The following PIK3C3 variants were observed in gnomAD, a reference collection of about 807,000 sequenced individuals.
PIK3C3 encodes the protein PI3-kinase type 3.
PIK3C3 carries 95 observed loss-of-function variants against 126.1 expected under a neutral mutation model. The observed-to-expected ratio is 0.75, with a 90% CI of 0.64 to 0.89. PIK3C3 has a LOEUF of 0.89. PIK3C3 is among the 40% of genes least tolerant of loss of function. The pLI is 0.00. For synonymous variants in PIK3C3, 374 were observed against 360.0 expected, an observed-to-expected ratio of 1.04 and a Z score of -0.44; for missense variants, 829 against 1,063.2, an observed-to-expected ratio of 0.78 and a Z score of 3.06.
At chr18:41,957,448 T>C (rs573014346) in intron 1 of PIK3C3, 122 bp from the exon 2 acceptor site, 1 of 893,800 alleles carries the variant, frequency 1.1e-6, no homozygotes, top group East Asian at 3.0e-5. Context: ...AAAGGTAAAC[T>C]TTTTAGTACT....
At chr18:42,064,209 T>C (rs1985439906) in intron 22 of PIK3C3, among the ~76,000 whole-genome samples, 1 of 152,186 alleles carries the variant, frequency 6.6e-6, no homozygotes, top group Admixed American at 6.5e-5. Flanking sequence ...TTTTTCTTTC[T>C]TATAGAATTA....
At position 41,955,336 on chromosome 18, in the gene PIK3C3, G is replaced by A. The variant is rs199666005; in HGVS notation, c.45G>A (p.Leu15=). ...EKFHYIYSCD[L]DINVQLKIGS... ...TTCACTACATCTATAGTTGTGACCT[G>A]GATATCAACGTCCAGCTTAAGATGT... Residue 15 remains leucine (L), a synonymous_variant, in exon 1 of 25, where the codon CTG becomes CTA. Transcript: ENST00000262039. 5 of 1,613,514 alleles carry A rather than the reference G, an allele frequency of 3.1e-6. No individual in the cohort carries two copies. The highest frequency in any genetic ancestry group is 3.4e-6 in the Non-Finnish European group (4 of 1,179,672).
chr18:41,981,029 T>G (rs554408076), intron 4 of PIK3C3, among the ~76,000 whole-genome samples: 4 of 152,356 alleles, frequency 2.6e-5, no homozygotes, highest in African/African-American at 9.6e-5. Context: ...GTCATTGATA[T>G]CACCAAATAT....
At chr18:41,980,836 A>G (rs1006159579) in intron 4 of PIK3C3, among the ~76,000 whole-genome samples, 2 of 152,198 alleles carry the variant, frequency 1.3e-5, no homozygotes, top group African/African-American at 2.4e-5. Flanking sequence ...GGTGTCCTAA[A>G]GAGTTGAAGA....
chr18:42,030,593 G>A (rs8084037), intron 15 of PIK3C3, among the ~76,000 whole-genome samples: 5,459 of 152,254 alleles, frequency 0.036, 316 homozygotes, highest in African/African-American at 0.12. Context: ...AATGAGTAAC[G>A]TTCAGCAGGT....
intron 9 of PIK3C3, among the ~76,000 whole-genome samples, chr18:42,002,711 T>G (rs1272110731): frequency 6.6e-6 from 1 of 152,192 alleles, no homozygotes; most frequent in Non-Finnish European, 1.5e-5. Flanking sequence ...AATAGGAAAT[T>G]TGTGCTAAGA....
chr18:42,067,496 A>G lies in PIK3C3; in HGVS notation c.2632A>G (p.Ile878Val). ...TCTTTTTGCTGCAGTGGTGGAACAG[A>G]TTCACAAGTTTGCCCAGGTAAGTTC... ...HALFAAVVEQIHKFAQYWRK is the reference protein window; with the variant it reads ...HALFAAVVEQVHKFAQYWRK The change falls in exon 24 of 25, where the codon ATT becomes GTT. Residue 878 changes from isoleucine to valine, a missense_variant. This residue lies in a region of PIK3C3 where 196 missense variants were observed against 312.8 expected (regional missense o/e 0.63). Coordinates refer to ENST00000262039, the MANE Select transcript of PIK3C3 (RefSeq NM_002647.4). The G allele has an allele frequency of 6.2e-7, 1 of 1,614,134 alleles. No individual in the cohort carries two copies. The highest frequency in any genetic ancestry group is 2.2e-5 in the East Asian group (1 of 44,874).
At chr18:42,017,978 T>C (rs1983151809) in intron 12 of PIK3C3, among the ~76,000 whole-genome samples, 1 of 143,250 alleles carries the variant, frequency 7.0e-6, no homozygotes, top group Non-Finnish European at 1.6e-5. Context: ...GTACTTTCTA[T>C]ACTTTCTTAT....
chr18:42,027,411 A>G (rs1983618965), intron 13 of PIK3C3, 32 bp from the exon 14 acceptor site: 1 of 1,257,670 alleles, frequency 8.0e-7, no homozygotes, highest in Non-Finnish European at 1.1e-6. Flanking sequence ...GTTTCATTTC[A>G]CATCACATGA....
In PIK3C3 at chr18:42,049,619, A is replaced by T; in HGVS notation, c.2263+14A>T. ...TAACAAAAACAGGTAACAATTAATG[A>T]CTACCAGTAGACATACATTGTATAT... On this transcript the variant is annotated intron_variant, in intron 21 of 24. Transcript: ENST00000262039. The T allele has an allele frequency of 6.4e-7, 1 of 1,567,176 alleles. No homozygotes were observed. The highest frequency in any genetic ancestry group is 8.8e-7 in the Non-Finnish European group (1 of 1,137,216).
intron 3 of PIK3C3, among the ~76,000 whole-genome samples, chr18:41,964,512 A>G (rs538346585): frequency 7.2e-5 from 11 of 152,246 alleles, no homozygotes; most frequent in African/African-American, 2.6e-4. Context: ...TGGGCCTGAT[A>G]AATATTATAT....
intron 1 of PIK3C3, among the ~76,000 whole-genome samples, chr18:41,955,948 CTT>C (rs766481252): frequency 1.3e-5 from 2 of 152,058 alleles, no homozygotes; most frequent in Non-Finnish European, 2.9e-5. Context: ...AGAAAAGAGT[CTT>C]TGCAGGAAAA....
chr18:41,963,825 G>A (rs1239528226), intron 3 of PIK3C3, among the ~76,000 whole-genome samples: 1 of 135,842 alleles, frequency 7.4e-6, no homozygotes, highest in African/African-American at 2.6e-5. Flanking sequence ...AAAATTCTTT[G>A]CTTTTTTTTT....
At chr18:41,981,811 A>C (rs1200055102) in intron 4 of PIK3C3, among the ~76,000 whole-genome samples, 2 of 151,168 alleles carry the variant, frequency 1.3e-5, no homozygotes, top group African/African-American at 4.9e-5. Context: ...AATACAAAAA[A>C]AAAAAAAAGA....
In PIK3C3 at chr18:42,027,521, G is replaced by T; in HGVS notation, c.1563G>T (p.Met521Ile). 2 of 1,611,046 alleles carry T rather than the reference G, an allele frequency of 1.2e-6. No individual in the cohort carries two copies. Among genetic ancestry groups the T allele is most frequent in the Non-Finnish European group, 1.7e-6 (2 of 1,177,610 alleles). The change falls in exon 14 of 25, where the codon ATG becomes ATT. Residue 521 changes from methionine (M) to isoleucine (I), a missense_variant. Around this residue, in one of 4 missense-constraint regions of PIK3C3, gnomAD observed 256 missense variants for 291.0 expected, o/e 0.88. Transcript: ENST00000262039. ...PKTHEMYLNV[M>I]RRFSQALLKG... ...CCCATGAGATGTACTTGAACGTAAT[G>T]AGAAGATTCAGCCAAGCATTGTTGA...
intron 24 of PIK3C3, among the ~76,000 whole-genome samples, chr18:42,076,107 T>TGCGC (rs142072211): frequency 1.5e-4 from 12 of 77,642 alleles, no homozygotes; most frequent in East Asian, 7.2e-4. Context: ...TATATATATA[T>TGCGC]ATATATATAT....
At chr18:41,955,422 C>T (rs762511379) in intron 1 of PIK3C3, 63 bp downstream of exon 1, 20 of 1,397,238 alleles carry the variant, frequency 1.4e-5, no homozygotes, top group Non-Finnish European at 1.8e-5. Context: ...GGGCAGGGGC[C>T]TGTTGGGAGT....
At chr18:41,963,102 C>A (rs944921523) in intron 3 of PIK3C3, among the ~76,000 whole-genome samples, 2 of 151,898 alleles carry the variant, frequency 1.3e-5, no homozygotes, top group Non-Finnish European at 2.9e-5. Context: ...AAAAAAAAAT[C>A]CCATAGTCCC....
At chr18:41,978,737 A>G (rs1278663578) in intron 4 of PIK3C3, among the ~76,000 whole-genome samples, 1 of 152,174 alleles carries the variant, frequency 6.6e-6, no homozygotes, top group Non-Finnish European at 1.5e-5. Context: ...TTAAGTAGTA[A>G]TTGAAAACCA....
Sources: gnomAD v4.1 joint callset for allele counts (sites outside exome capture counted in the v4.1 genomes callset) on GRCh38, gnomAD v4.1.1 for gene constraint, gnomAD v4.1.1 regional missense constraint, MANE v1.5 for transcripts, NCBI Gene and HGNC (gene_info 2026-07-23, HGNC 2026-07-21) for gene names.